The following OR8G1 variants were observed in gnomAD, a reference collection of about 807,000 sequenced individuals.
The protein encoded by OR8G1 is olfactory receptor family 8 subfamily G member 1.
For synonymous variants in OR8G1, 129 were observed against 133.3 expected, an observed-to-expected ratio of 0.97 and a Z score of 0.22; for missense variants, 372 against 356.2, an observed-to-expected ratio of 1.04 and a Z score of -0.36.
At position 124,249,969 on chromosome 11, in the gene OR8G1, G is replaced by A. The variant is rs546952534; in HGVS notation, c.294G>A (p.Met98Ile). 6.2e-7 allele frequency: 1 copy of A among 1,613,960 alleles called. No individual in the cohort carries two copies. Among genetic ancestry groups the A allele is most frequent in the South Asian group, 1.1e-5 (1 of 91,082 alleles). ...ACATCATCTCCTACCCTGAATGCATGACTCAGCTCTACTTCTTCCTCGTTT... is the reference window on the plus strand; with the variant it reads ...ACATCATCTCCTACCCTGAATGCATAACTCAGCTCTACTTCTTCCTCGTTT... ...EKNIISYPEC[M>I]TQLYFFLVFA... The change falls in exon 3 of 3, where the codon ATG (methionine) becomes ATA (isoleucine). Residue 98 changes from methionine to isoleucine, a missense_variant. Transcript: ENST00000641972.
rs753993339 is a variant in OR8G1, at chr11:124,250,075, G to A, written c.400G>A (p.Val134Ile). 122 of 1,613,616 alleles carry A rather than the reference G, an allele frequency of 7.6e-5. 1 individual carries two copies. Among genetic ancestry groups the A allele is most frequent in the Middle Eastern group, 4.9e-4 (3 of 6,084 alleles). Reference sequence around the variant, plus strand: ...CATCTGTAGCCCCTTGCTGTACAGTGTCATCATATCCAATAAGGCTTGCTT... The same window carrying A: ...CATCTGTAGCCCCTTGCTGTACAGTATCATCATATCCAATAAGGCTTGCTT... ...MAICSPLLYS[V>I]IISNKACFSL... The change falls in exon 3 of 3, where the codon GTC becomes ATC. Residue 134 changes from valine to isoleucine, a missense_variant. Val to Ile is a conservative substitution (Grantham distance 29). Transcript: ENST00000641972.
intron 1 of OR8G1, among the ~76,000 whole-genome samples, chr11:124,244,067 AG>A (rs1861787674): frequency 1.5e-5 from 2 of 137,860 alleles, no homozygotes; most frequent in Non-Finnish European, 1.6e-5. Flanking sequence ...GAAAGGATGG[AG>A]AGGGAGAGAG....
At chr11:124,242,246 T>G (rs1861768299) in intron 1 of OR8G1, among the ~76,000 whole-genome samples, 1 of 152,020 alleles carries the variant, frequency 6.6e-6, no homozygotes, top group Admixed American at 6.6e-5. Context: ...TCACTAATTA[T>G]CTCATTGCCT....
intron 1 of OR8G1, among the ~76,000 whole-genome samples, chr11:124,244,065 G>GGA (rs201944558): frequency 0.9 from 94,133 of 104,742 alleles, 43,396 homozygotes; most frequent in African/African-American, 0.96. Context: ...AGGAAAGGAT[G>GGA]GAGAGGGAGA....
rs567104710 is a variant in OR8G1 at position 124,241,204 on chromosome 11, C to G, written c.-257C>G. On this transcript the variant is annotated 5_prime_UTR_variant, in exon 1 of 3. Coordinates refer to ENST00000641972, the MANE Select transcript of OR8G1 (RefSeq NM_001002905.2). ...CTCTGAGACTGAGGGCTGGGCCCTG[C>G]CCTCTCAACACTAAAGATTCCAGAA... 1.3e-5 allele frequency: 2 copies of G among 152,192 alleles called. No individual in the cohort carries two copies. The highest frequency in any genetic ancestry group is 4.8e-5 in the African/African-American group (2 of 41,530). The allele number at this position is 152,192 out of a possible 1,614,324, so 9.4% of individuals were successfully genotyped here. A position where few individuals can be genotyped will look rare whatever the true frequency, so the allele number is the denominator to read the frequency against.
chr11:124,242,199 A>T (rs1044894106), intron 1 of OR8G1, among the ~76,000 whole-genome samples: 8 of 152,062 alleles, frequency 5.3e-5, no homozygotes, highest in Non-Finnish European at 7.4e-5. Flanking sequence ...ACAAAATTAA[A>T]GCTTATCCTT....
intron 1 of OR8G1, among the ~76,000 whole-genome samples, chr11:124,242,948 G>A (rs1262460416): frequency 2.6e-5 from 4 of 151,934 alleles, no homozygotes; most frequent in African/African-American, 7.2e-5. Flanking sequence ...ACCAAAGGGT[G>A]TGTGTAGACC....
At chr11:124,242,633 T>C (rs1463715544) in intron 1 of OR8G1, among the ~76,000 whole-genome samples, 1 of 152,058 alleles carries the variant, frequency 6.6e-6, no homozygotes, top group Non-Finnish European at 1.5e-5. Context: ...CATCATAGTC[T>C]AGCCATTATT....
At chr11:124,248,144 A>T (rs902361473) in intron 2 of OR8G1, among the ~76,000 whole-genome samples, 1 of 151,964 alleles carries the variant, frequency 6.6e-6, no homozygotes, top group African/African-American at 2.4e-5. Flanking sequence ...ATACTTAAGG[A>T]CTATTCATAC....
At chr11:124,242,017 A>C (rs1454429181) in intron 1 of OR8G1, among the ~76,000 whole-genome samples, 1 of 151,866 alleles carries the variant, frequency 6.6e-6, no homozygotes, top group Non-Finnish European at 1.5e-5. Flanking sequence ...AACTTCTAAG[A>C]ACTCAAATAC....
intron 2 of OR8G1, 58 bp from the exon 3 acceptor site, chr11:124,249,601 TA>T (rs2137749850): frequency 6.8e-7 from 1 of 1,472,972 alleles, no homozygotes. Context: ...CAATGAAGAA[TA>T]ATAAAGTCCC....
chr11:124,251,716 G>A lies in OR8G1; in HGVS notation c.*1105G>A, dbSNP rs1288821662. 1 of 185,632 alleles carries A rather than the reference G, an allele frequency of 5.4e-6. No homozygotes were observed. The highest frequency in any genetic ancestry group is 1.2e-5 in the Non-Finnish European group (1 of 86,554). The allele number at this position is 185,632 out of a possible 1,614,324, so 11.5% of individuals were successfully genotyped here. A position where few individuals can be genotyped will look rare whatever the true frequency, so the allele number is the denominator to read the frequency against. ...GATGGGTAAACATAGCAAATCTGGT[G>A]ATAGAGTTGGAACCTGAATAGCATG... On this transcript the variant is annotated 3_prime_UTR_variant, in exon 3 of 3. Transcript: ENST00000641972.
chr11:124,242,436 G>C (rs2466663), intron 1 of OR8G1, among the ~76,000 whole-genome samples: 77,673 of 151,886 alleles, frequency 0.51, 20,497 homozygotes, highest in South Asian at 0.7. Context: ...GCATAATGAA[G>C]TTACTGGATG....
rs886458202 is a variant in OR8G1, at chr11:124,251,520, A to G, written c.*909A>G. On this transcript the variant is annotated 3_prime_UTR_variant, in exon 3 of 3. Transcript: ENST00000641972. Reference sequence around the variant, plus strand: ...TCTGACCTATTCTATGCTAAGATGTATGTGTATTTGTTCTGTGAAAAATCC... The same window carrying G: ...TCTGACCTATTCTATGCTAAGATGTGTGTGTATTTGTTCTGTGAAAAATCC... 4.2e-4 allele frequency: 202 copies of G among 483,890 alleles called. 9 individuals carry two copies. Among genetic ancestry groups the G allele is most frequent in the East Asian group, 6.3e-4 (12 of 18,996 alleles). The allele number at this position is 483,890 out of a possible 1,614,324, so 30.0% of individuals were successfully genotyped here.
In OR8G1 at chr11:124,251,241, G is replaced by A. The variant is rs1286872722; in HGVS notation, c.*630G>A. 1 of 105,156 alleles carries A rather than the reference G, an allele frequency of 9.5e-6. No homozygotes were observed. Among genetic ancestry groups the A allele is most frequent in the African/African-American group, 4.4e-5 (1 of 22,508 alleles). 6.5% of individuals were successfully genotyped at this position (105,156 alleles called of 1,614,324 possible). On this transcript the variant is annotated 3_prime_UTR_variant, in exon 3 of 3. Coordinates refer to ENST00000641972, the MANE Select transcript of OR8G1 (RefSeq NM_001002905.2). ...CTTCAGTCTTCATGAAGATTCCCCC[G>A]TACATGTGGTTTATTGCCACGTCTC...
At position 124,249,750 on chromosome 11, in the gene OR8G1, G is replaced by C. The variant is rs777912617; in HGVS notation, c.75G>C (p.Leu25=). Reference sequence around the variant, plus strand: ...TCTCAGAACAGCCAGAGCTCCAGCTGCCCCTCTTCCTCCTGTTCTTAGGAA... The same window carrying C: ...TCTCAGAACAGCCAGAGCTCCAGCTCCCCCTCTTCCTCCTGTTCTTAGGAA... ...AGLSEQPELQ[L]PLFLLFLGIY... Residue 25 remains leucine (L), a synonymous_variant, in exon 3 of 3, where the codon CTG becomes CTC. Transcript: ENST00000641972. 1 of 1,613,744 alleles carries C rather than the reference G, an allele frequency of 6.2e-7. No homozygotes were observed. The highest frequency in any genetic ancestry group is 8.5e-7 in the Non-Finnish European group (1 of 1,179,830).
rs1565317041 is a variant in OR8G1 at position 124,251,842 on chromosome 11, ATGAT to A, written c.*1232_*1235del. 6.5e-6 allele frequency: 1 copy of A among 153,378 alleles called. No homozygotes were observed. The highest frequency in any genetic ancestry group is 2.4e-5 in the African/African-American group (1 of 41,468). The allele number at this position is 153,378 out of a possible 1,614,324, so 9.5% of individuals were successfully genotyped here. ...GCTATGTAGATATTTAGTGAATTTT[ATGAT>A]ATATAAAATATACTTCAATAAAATT... On this transcript the variant is annotated 3_prime_UTR_variant, in exon 3 of 3. Transcript: ENST00000641972.
In OR8G1 at chr11:124,250,192, T is replaced by G. The variant is rs368230579; in HGVS notation, c.517T>G (p.Leu173Val). The G allele has an allele frequency of 3.7e-6, 6 of 1,613,796 alleles. No homozygotes were observed. Among genetic ancestry groups the G allele is most frequent in the South Asian group, 1.1e-5 (1 of 91,080 alleles). ...TAGGGTTCAATTCTGCAAATTTGAT[T>G]TGATTAACCATTATTTCTGTGATCT... ...MFRVQFCKFD[L>V]INHYFCDLLP... Residue 173 changes from leucine to valine, a missense_variant, in exon 3 of 3, where the codon TTG (leucine) becomes GTG (valine). Physicochemically the swap from Leu to Val is conservative, Grantham distance 32. Coordinates refer to ENST00000641972, the MANE Select transcript of OR8G1 (RefSeq NM_001002905.2).
chr11:124,243,128 T>C (rs1168278180), intron 1 of OR8G1, among the ~76,000 whole-genome samples: 1 of 152,052 alleles, frequency 6.6e-6, no homozygotes, highest in Non-Finnish European at 1.5e-5. Context: ...GCTTTTGATA[T>C]TCATGATGTT....
Sources: allele counts gnomAD v4.1 joint callset (sites outside exome capture counted in the v4.1 genomes callset), GRCh38; gene constraint gnomAD v4.1.1; transcripts MANE v1.5; gene names NCBI Gene and HGNC (gene_info 2026-07-23, HGNC 2026-07-21).